ULK4: variants seen among roughly 807,000 people sequenced by gnomAD.
ULK4 encodes inactive serine/threonine-protein kinase ULK4.
ULK4 carries 133 observed loss-of-function variants against 160.6 expected under a neutral mutation model. That is an observed-to-expected ratio of 0.83 (90% CI 0.72 to 0.96). ULK4 has a LOEUF of 0.96. ULK4 is among the 40% of genes least tolerant of loss of function. ULK4 has a pLI of 0.00. For missense variants in ULK4, 1,580 were observed against 1,499.5 expected (o/e 1.05, Z -0.89); for synonymous variants, 534 against 539.8 (o/e 0.99, Z 0.15).
At chr3:41,262,230 T>C (rs760587587) in intron 35 of ULK4, among the ~76,000 whole-genome samples, 3 of 152,032 alleles carry the variant, frequency 2.0e-5, no homozygotes, top group Non-Finnish European at 2.9e-5. Context: ...TTTCCATGAG[T>C]AGTGAGGAGG....
intron 17 of ULK4, among the ~76,000 whole-genome samples, chr3:41,839,037 A>AT (rs2041837803): frequency 1.3e-5 from 2 of 152,152 alleles, no homozygotes; most frequent in Non-Finnish European, 2.9e-5. Flanking sequence ...AATAACACTT[A>AT]TTTCACAATT....
intron 35 of ULK4, among the ~76,000 whole-genome samples, chr3:41,287,763 T>C (rs571827528): frequency 1.7e-4 from 26 of 152,316 alleles, no homozygotes; most frequent in African/African-American, 6.0e-4. Context: ...CCTAGCATGA[T>C]ATTAACATTT....
chr3:41,374,847 A>G (rs1481694328), intron 35 of ULK4, among the ~76,000 whole-genome samples: 1 of 152,116 alleles, frequency 6.6e-6, no homozygotes, highest in Non-Finnish European at 1.5e-5. Context: ...AAGTCAAATT[A>G]TCTCCGTTTG....
chr3:41,353,704 ACT>A (rs1559540400), intron 35 of ULK4, among the ~76,000 whole-genome samples: 70 of 50,010 alleles, frequency 1.4e-3, no homozygotes, highest in African/African-American at 5.0e-3. Context: ...TACAATTACT[ACT>A]ACTACTACTA....
intron 34 of ULK4, among the ~76,000 whole-genome samples, chr3:41,407,405 A>C (rs79732393): frequency 5.0e-4 from 76 of 152,288 alleles, no homozygotes; most frequent in African/African-American, 1.8e-3. Context: ...ATAGTACAAA[A>C]AACAACAACA....
At chr3:41,769,797 G>A (rs1327140370) in intron 21 of ULK4, among the ~76,000 whole-genome samples, 2 of 152,088 alleles carry the variant, frequency 1.3e-5, no homozygotes, top group African/African-American at 4.8e-5. Context: ...AATATTAGAT[G>A]GTAACGAGGT....
rs369763299 is a variant in ULK4, at chr3:41,715,457, A to G, written c.2567T>C (p.Val856Ala). The change falls in exon 24 of 37, where the codon GTA (valine) becomes GCA (alanine). Residue 856 changes from valine (V) to alanine (A), a missense_variant. Val to Ala is a moderately conservative substitution (Grantham distance 64). Transcript: ENST00000301831. The part of the protein sequence containing the change: ...LPLMPVVLHL[V>A]TSQVFRPQVV... Reference sequence around the variant, plus strand: ...TCAATACAATAGTACCTGTGAAGTTACGAGGTGAAGCACTACAGGCATCAG... The same window carrying G: ...TCAATACAATAGTACCTGTGAAGTTGCGAGGTGAAGCACTACAGGCATCAG... 5.9e-5 allele frequency: 95 copies of G among 1,614,062 alleles called. No homozygotes were observed. The highest frequency in any genetic ancestry group is 7.9e-5 in the Non-Finnish European group (93 of 1,180,030).
At chr3:41,942,202 C>CA (rs1173749835) in intron 2 of ULK4, among the ~76,000 whole-genome samples, 1 of 152,082 alleles carries the variant, frequency 6.6e-6, no homozygotes, top group Non-Finnish European at 1.5e-5. Flanking sequence ...GACTTCATAC[C>CA]AAAAAATAAT....
intron 35 of ULK4, among the ~76,000 whole-genome samples, chr3:41,358,174 G>A (rs1214032022): frequency 2.6e-5 from 4 of 152,208 alleles, no homozygotes; most frequent in African/African-American, 7.2e-5. Context: ...AGTGGGCTCC[G>A]CAGAACAGAT....
In ULK4 at chr3:41,896,949, A is replaced by G. The variant is rs760656297; in HGVS notation, c.1403T>C (p.Val468Ala). 3 of 1,613,392 alleles carry G rather than the reference A, an allele frequency of 1.9e-6. No homozygotes were observed. The highest frequency in any genetic ancestry group is 3.3e-5 in the Admixed American group (2 of 60,002). Residue 468 changes from valine to alanine, a missense_variant, in exon 15 of 37, where the codon GTG becomes GCG. Val to Ala is a moderately conservative substitution (Grantham distance 64, BLOSUM62 0). Transcript: ENST00000301831. Reference protein sequence around the residue: ...DQDWNDFLQQVCSQIDSTEKS... With the variant: ...DQDWNDFLQQACSQIDSTEKS... ...CTCAGTGGAGTCGATCTGCGAGCACACTTGTTGCAAAAAGTCATTCCAATC... is the reference window on the plus strand; with the variant it reads ...CTCAGTGGAGTCGATCTGCGAGCACGCTTGTTGCAAAAAGTCATTCCAATC...
chr3:41,907,298 TTTA>T (rs1339873603), intron 12 of ULK4, among the ~76,000 whole-genome samples: 11 of 72,228 alleles, frequency 1.5e-4, no homozygotes, highest in South Asian at 6.7e-4. Flanking sequence ...TACCCTTTTA[TTTA>T]TTTTTTTTTT....
intron 25 of ULK4, among the ~76,000 whole-genome samples, chr3:41,713,477 C>T (rs960595746): frequency 2.0e-5 from 3 of 152,116 alleles, no homozygotes; most frequent in Non-Finnish European, 4.4e-5. Context: ...TTAAGGCCAA[C>T]AAACAAACAC....
chr3:41,465,819 C>T (rs1022712759), intron 32 of ULK4, among the ~76,000 whole-genome samples: 4 of 152,004 alleles, frequency 2.6e-5, no homozygotes, highest in Admixed American at 2.0e-4. Context: ...AAAATTGATC[C>T]ATGGATTCAA....
At chr3:41,611,000 T>C (rs1417400068) in intron 31 of ULK4, among the ~76,000 whole-genome samples, 1 of 152,166 alleles carries the variant, frequency 6.6e-6, no homozygotes, top group Non-Finnish European at 1.5e-5. Context: ...TTAAGGCACA[T>C]TTCAAAGCAA....
chr3:41,523,210 C>T (rs745308555), intron 32 of ULK4, among the ~76,000 whole-genome samples: 11 of 152,126 alleles, frequency 7.2e-5, no homozygotes, highest in Non-Finnish European at 1.6e-4. Flanking sequence ...TGCCCAGCCC[C>T]AGACCAAGTT....
At chr3:41,423,085 G>C (rs534797264) in intron 34 of ULK4, among the ~76,000 whole-genome samples, 1 of 152,280 alleles carries the variant, frequency 6.6e-6, no homozygotes, top group East Asian at 1.9e-4. Context: ...TACAAAATAT[G>C]TATACTATTT....
At chr3:41,494,981 G>A (rs77174796) in intron 32 of ULK4, among the ~76,000 whole-genome samples, 62,116 of 151,538 alleles carry the variant, frequency 0.41, 12,902 homozygotes, top group African/African-American at 0.44. Context: ...GGAAGAATCA[G>A]TATCGTGAAA....
chr3:41,378,735 C>G (rs2081575232), intron 35 of ULK4, among the ~76,000 whole-genome samples: 1 of 151,608 alleles, frequency 6.6e-6, no homozygotes, highest in Admixed American at 6.6e-5. Flanking sequence ...ACATATGTAA[C>G]AAACCTGCAC....
intron 29 of ULK4, among the ~76,000 whole-genome samples, chr3:41,677,364 C>T (rs2035758098): frequency 7.1e-6 from 1 of 141,182 alleles, no homozygotes; most frequent in Non-Finnish European, 1.5e-5. Context: ...TGGAGTCTTG[C>T]TCTGTTGCCC....
Sources: allele counts gnomAD v4.1 joint callset (sites outside exome capture counted in the v4.1 genomes callset), GRCh38; gene constraint gnomAD v4.1.1; transcripts MANE v1.5; gene names NCBI Gene and HGNC (gene_info 2026-07-23, HGNC 2026-07-21).